The following PALLD variants were observed in gnomAD, a reference collection of about 807,000 sequenced individuals.
PALLD encodes the protein palladin, cytoskeletal associated protein, also known as palladin.
PALLD carries 61 observed loss-of-function variants against 123.5 expected under a neutral mutation model. The ratio of observed to expected loss-of-function variants is 0.49; its 90% CI spans 0.40 to 0.61. PALLD has a LOEUF of 0.61. PALLD is among the 20% of genes least tolerant of loss of function. The probability of loss-of-function intolerance (pLI) is 0.00; values close to 1 mark genes in which losing one functional copy is unlikely to be tolerated. For missense variants in PALLD, 1,273 were observed against 1,377.0 expected, an observed-to-expected ratio of 0.92 and a Z score of 1.20; for synonymous variants, 465 against 496.4, an observed-to-expected ratio of 0.94 and a Z score of 0.84.
intron 2 of PALLD, among the ~76,000 whole-genome samples, chr4:168,645,210 G>C (rs567790671): frequency 6.6e-6 from 1 of 151,954 alleles, no homozygotes; most frequent in Admixed American, 6.6e-5. Flanking sequence ...ATCCCAATCC[G>C]TAAAATGAAG....
chr4:168,837,108 C>A (rs1441254228), intron 10 of PALLD, among the ~76,000 whole-genome samples: 1 of 152,170 alleles, frequency 6.6e-6, no homozygotes, highest in East Asian at 1.9e-4. Flanking sequence ...AGAGACCCCA[C>A]CCTGGACTGC....
chr4:168,690,822 C>T (rs564535863), intron 7 of PALLD, 78 bp downstream of exon 7: 1 of 1,391,508 alleles, frequency 7.2e-7, no homozygotes, highest in South Asian at 1.2e-5. Context: ...AGGGCTAAGT[C>T]ATTAAGATGA....
At chr4:168,690,233 C>T (rs1209673479) in intron 6 of PALLD, among the ~76,000 whole-genome samples, 2 of 152,068 alleles carry the variant, frequency 1.3e-5, no homozygotes, top group African/African-American at 2.4e-5. Context: ...AGAGTGTGGT[C>T]GTTTCAAGAA....
At chr4:168,797,717 T>A (rs1357677911) in intron 10 of PALLD, among the ~76,000 whole-genome samples, 2 of 152,256 alleles carry the variant, frequency 1.3e-5, no homozygotes, top group Non-Finnish European at 1.5e-5. Context: ...TATGTTAATT[T>A]AAAAAATATC....
At chr4:168,539,069 ATTG>A (rs552961303) in intron 2 of PALLD, among the ~76,000 whole-genome samples, 4 of 152,360 alleles carry the variant, frequency 2.6e-5, no homozygotes, top group African/African-American at 9.6e-5. Flanking sequence ...ATAATTTGAA[ATTG>A]TTAAGAACAT....
chr4:168,912,325 ACAT>A (rs1426320766), intron 15 of PALLD, among the ~76,000 whole-genome samples: 1 of 152,222 alleles, frequency 6.6e-6, no homozygotes, highest in East Asian at 1.9e-4. Flanking sequence ...CATTGATGGT[ACAT>A]CTGCTTCTTG....
chr4:168,865,752 G>A (rs988781692), intron 10 of PALLD, among the ~76,000 whole-genome samples: 2 of 147,608 alleles, frequency 1.4e-5, no homozygotes, highest in Non-Finnish European at 3.0e-5. Flanking sequence ...ATGTTCAAAT[G>A]TACAATCTTG....
At chr4:168,800,202 T>A (rs562988784) in intron 10 of PALLD, among the ~76,000 whole-genome samples, 1 of 152,296 alleles carries the variant, frequency 6.6e-6, no homozygotes, top group Non-Finnish European at 1.5e-5. Context: ...CAAAAGTTGC[T>A]TCCAGGTGGA....
At chr4:168,699,622 C>G (rs763953454) in intron 8 of PALLD, among the ~76,000 whole-genome samples, 2 of 151,494 alleles carry the variant, frequency 1.3e-5, no homozygotes, top group Non-Finnish European at 2.9e-5. Flanking sequence ...GCTGCCTCAT[C>G]ATTTTATGAG....
chr4:168,664,783 A>AC (rs1779468969), intron 2 of PALLD, among the ~76,000 whole-genome samples: 1 of 151,974 alleles, frequency 6.6e-6, no homozygotes, highest in African/African-American at 2.4e-5. Flanking sequence ...AAAAAAAAAA[A>AC]AAAACCCTGC....
At chr4:168,692,837 A>C (rs1200433150) in intron 8 of PALLD, among the ~76,000 whole-genome samples, 1 of 152,224 alleles carries the variant, frequency 6.6e-6, no homozygotes, top group East Asian at 1.9e-4. Flanking sequence ...TCGTGTTGTT[A>C]TACGTTGTCA....
At chr4:168,926,112 T>C (rs1264748748) in intron 21 of PALLD, 101 bp from the exon 22 acceptor site, 6 of 960,504 alleles carry the variant, frequency 6.2e-6, no homozygotes, top group Non-Finnish European at 7.4e-6. Flanking sequence ...TGTGTTCAGG[T>C]GCCTTGCATC....
chr4:168,523,545 T>A (rs1233808385), intron 2 of PALLD, among the ~76,000 whole-genome samples: 2 of 152,158 alleles, frequency 1.3e-5, no homozygotes, highest in African/African-American at 4.8e-5. Context: ...CATATCAATA[T>A]ATGAATTTGA....
intron 10 of PALLD, among the ~76,000 whole-genome samples, chr4:168,855,146 A>C (rs1748411851): frequency 1.5e-5 from 2 of 132,068 alleles, no homozygotes; most frequent in South Asian, 4.6e-4. Flanking sequence ...GCTGGAGTGC[A>C]GTGGCGCGAT....
intron 10 of PALLD, among the ~76,000 whole-genome samples, chr4:168,822,610 C>G (rs1252594572): frequency 2.0e-5 from 3 of 152,164 alleles, no homozygotes; most frequent in Non-Finnish European, 4.4e-5. Context: ...TAAGGGTATC[C>G]AAATGAATTA....
intron 2 of PALLD, among the ~76,000 whole-genome samples, chr4:168,621,202 C>T (rs115873702): frequency 0.012 from 1,898 of 152,334 alleles, 49 homozygotes; most frequent in African/African-American, 0.043. Context: ...TAGGCTTCCA[C>T]CAGACAACCT....
At chr4:168,922,829 C>T (rs747598186) in intron 18 of PALLD, among the ~76,000 whole-genome samples, 1 of 152,152 alleles carries the variant, frequency 6.6e-6, no homozygotes, top group African/African-American at 2.4e-5. Flanking sequence ...CACATAGATA[C>T]CTCAGTGCGC....
chr4:168,646,598 G>A (rs1254234207), intron 2 of PALLD, among the ~76,000 whole-genome samples: 1 of 152,152 alleles, frequency 6.6e-6, no homozygotes, highest in Non-Finnish European at 1.5e-5. Context: ...TGGTGCACAG[G>A]AGGCATCCAA....
intron 10 of PALLD, among the ~76,000 whole-genome samples, chr4:168,803,239 AG>A (rs1346542283): frequency 2.0e-5 from 3 of 152,116 alleles, no homozygotes; most frequent in Admixed American, 1.3e-4. Context: ...TCGTGGTGGA[AG>A]TGTGAAGGGG....
Sources: allele counts gnomAD v4.1 joint callset (sites outside exome capture counted in the v4.1 genomes callset), GRCh38; gene constraint gnomAD v4.1.1; transcripts MANE v1.5; gene names NCBI Gene and HGNC (gene_info 2026-07-23, HGNC 2026-07-21).